REEP3: variants seen among roughly 807,000 people sequenced by gnomAD.
REEP3 encodes receptor accessory protein 3.
A neutral mutation model predicts 41.3 loss-of-function variants in REEP3; 20 were observed. The observed-to-expected ratio is 0.48, with a 90% CI of 0.34 to 0.70. The LOEUF is 0.70. Among genes scored for constraint, REEP3 ranks in the 30% least tolerant of loss-of-function variants. The pLI is 0.01. For synonymous variants in REEP3, 104 were observed against 101.8 expected (o/e 1.02, Z -0.13); for missense variants, 271 against 308.8 (o/e 0.88, Z 0.92).
At chr10:63,531,269 T>A (rs1268113773) in intron 1 of REEP3, among the ~76,000 whole-genome samples, 1 of 152,232 alleles carries the variant, frequency 6.6e-6, no homozygotes, top group East Asian at 1.9e-4. Context: ...TTCATTTCAT[T>A]TGAAGATGTT....
At chr10:63,610,868 C>A (rs60303208) in intron 6 of REEP3, among the ~76,000 whole-genome samples, 10,193 of 152,036 alleles carry the variant, frequency 0.067, 463 homozygotes, top group East Asian at 0.22. Context: ...TAGGAGTTCA[C>A]GACCAGCCTG....
intron 2 of REEP3, among the ~76,000 whole-genome samples, chr10:63,582,992 C>CTTTTTTTTTTTTTTTTTTTTTTTTT (rs1391434567): frequency 6.6e-6 from 1 of 151,580 alleles, no homozygotes. Context: ...AGTTTTTTTT[C>CTTTTTTTTTTTTTTTTTTTTTTTTT]TTTTTTGTTT....
intron 5 of REEP3, among the ~76,000 whole-genome samples, chr10:63,609,574 A>G (rs1956260871): frequency 6.6e-6 from 1 of 152,176 alleles, no homozygotes; most frequent in African/African-American, 2.4e-5. Flanking sequence ...CAGCCTGGCC[A>G]ACATGGCGAA....
intron 1 of REEP3, among the ~76,000 whole-genome samples, chr10:63,561,726 G>A (rs866290014): frequency 6.6e-6 from 1 of 152,190 alleles, no homozygotes; most frequent in African/African-American, 2.4e-5. Context: ...CTGGCCACGA[G>A]TTTGAAAATA....
chr10:63,556,836 C>T (rs1459806753), intron 1 of REEP3, among the ~76,000 whole-genome samples: 1 of 150,228 alleles, frequency 6.7e-6, no homozygotes, highest in African/African-American at 2.5e-5. Flanking sequence ...GGGGTTTCAC[C>T]GTTTTAGCCG....
intron 1 of REEP3, among the ~76,000 whole-genome samples, chr10:63,539,602 G>T (rs1033872383): frequency 6.6e-6 from 1 of 152,004 alleles, no homozygotes; most frequent in African/African-American, 2.4e-5. Flanking sequence ...AGATCAGCCT[G>T]GGCAACATAG....
intron 1 of REEP3, among the ~76,000 whole-genome samples, chr10:63,556,524 CCT>C (rs200622646): frequency 0.2 from 30,346 of 150,532 alleles, 3,970 homozygotes; most frequent in Non-Finnish European, 0.29. Context: ...AAAAATTTGC[CCT>C]CTCTCTTAAT....
At chr10:63,597,553 G>C (rs1374803415) in intron 3 of REEP3, among the ~76,000 whole-genome samples, 1 of 152,204 alleles carries the variant, frequency 6.6e-6, no homozygotes, top group South Asian at 2.1e-4. Flanking sequence ...TTCATGAACT[G>C]ATCTATAGTT....
At chr10:63,605,344 T>TA (rs1380170996) in intron 5 of REEP3, among the ~76,000 whole-genome samples, 1 of 152,226 alleles carries the variant, frequency 6.6e-6, no homozygotes, top group Non-Finnish European at 1.5e-5. Context: ...GATTAATTGT[T>TA]AAATGTGCAT....
intron 2 of REEP3, among the ~76,000 whole-genome samples, chr10:63,573,188 T>C (rs943455986): frequency 6.6e-6 from 1 of 152,220 alleles, no homozygotes; most frequent in African/African-American, 2.4e-5. Context: ...TGGAAAGTAC[T>C]GTGTATTTTG....
chr10:63,577,051 T>C (rs1384448121), intron 2 of REEP3, among the ~76,000 whole-genome samples: 1 of 152,186 alleles, frequency 6.6e-6, no homozygotes, highest in Admixed American at 6.5e-5. Context: ...ATTCAACCCA[T>C]AACAACCATT....
intron 5 of REEP3, among the ~76,000 whole-genome samples, chr10:63,602,971 C>G (rs527396622): frequency 3.3e-4 from 50 of 152,274 alleles, no homozygotes; most frequent in African/African-American, 1.2e-3. Flanking sequence ...GAATAGCCCA[C>G]AAAAATTTTA....
At chr10:63,522,905 T>A (rs1955301730) in intron 1 of REEP3, among the ~76,000 whole-genome samples, 1 of 152,092 alleles carries the variant, frequency 6.6e-6, no homozygotes, top group Admixed American at 6.5e-5. Context: ...CTGGCCTCTC[T>A]TTTGAGTCTG....
rs1452062884 is a variant in REEP3, at chr10:63,573,041, C to T, written c.105+6631C>T. Among the ~76,000 whole-genome samples, 5 of 152,314 alleles carry T rather than the reference C, an allele frequency of 3.3e-5. No homozygotes were observed. The East Asian group carries it at 7.7e-4, about 23-fold the overall frequency. ...ATGACCTAAATTTCACTGCTATCTA[C>T]TTCAAAATTATTTTCAGAAAGCAAA... On this transcript the variant is annotated intron_variant, in intron 2 of 7. Coordinates refer to ENST00000373758, the MANE Select transcript of REEP3 (RefSeq NM_001001330.3).
intron 1 of REEP3, among the ~76,000 whole-genome samples, chr10:63,524,952 C>T (rs556304418): frequency 2.0e-5 from 3 of 151,132 alleles, no homozygotes; most frequent in Non-Finnish European, 4.4e-5. Flanking sequence ...GCAAAGGTTG[C>T]AGTGAGCTGA....
At chr10:63,610,621 A>T (rs939919016) in intron 6 of REEP3, among the ~76,000 whole-genome samples, 2 of 152,118 alleles carry the variant, frequency 1.3e-5, no homozygotes, top group Admixed American at 6.6e-5. Flanking sequence ...TTATTTCATA[A>T]TTGGGCTTGT....
rs374663597 is a variant in REEP3, at chr10:63,624,259, A to G, written c.*3390A>G. Reference sequence around the variant, plus strand: ...TTGTGGTTTGCAGTATATATTTCTTAGTAAATATCACTTAAGATTAAATTT... The same window carrying G: ...TTGTGGTTTGCAGTATATATTTCTTGGTAAATATCACTTAAGATTAAATTT... On this transcript the variant is annotated 3_prime_UTR_variant, in exon 8 of 8. Transcript: ENST00000373758. The G allele has an allele frequency of 8.5e-5, 13 of 152,126 alleles. No individual in the cohort carries two copies. Among genetic ancestry groups the G allele is most frequent in the Admixed American group, 3.3e-4 (5 of 15,286 alleles). The allele number at this position is 152,126 out of a possible 1,614,324, so 9.4% of individuals were successfully genotyped here.
chr10:63,524,702 G>A (rs916826216), intron 1 of REEP3, among the ~76,000 whole-genome samples: 2 of 152,030 alleles, frequency 1.3e-5, no homozygotes, highest in African/African-American at 2.4e-5. Flanking sequence ...CACCTTCCTC[G>A]CTAAGTGCTA....
At chr10:63,525,505 G>A (rs955313672) in intron 1 of REEP3, among the ~76,000 whole-genome samples, 2 of 151,608 alleles carry the variant, frequency 1.3e-5, no homozygotes, top group African/African-American at 4.9e-5. Context: ...TGCAATTTCC[G>A]CCTCCCGGGT....
Sources: gnomAD v4.1 joint callset for allele counts (sites outside exome capture counted in the v4.1 genomes callset) on GRCh38, gnomAD v4.1.1 for gene constraint, MANE v1.5 for transcripts, NCBI Gene and HGNC (gene_info 2026-07-23, HGNC 2026-07-21) for gene names.